Variants in CHI3L2 observed in about 807,000 individuals in gnomAD.
CHI3L2 encodes the protein chitinase 3 like 2.
Under a neutral mutation model 47.3 loss-of-function variants are expected in CHI3L2, and 47 were observed. The observed-to-expected ratio is 0.99, with a 90% CI of 0.79 to 1.27. The LOEUF is 1.27. Ranked by LOEUF, CHI3L2 falls within the 50% of genes most tolerant of loss-of-function variation. The pLI is 0.00. For synonymous variants in CHI3L2, 198 were observed against 169.9 expected (o/e 1.17, Z -1.28); for missense variants, 497 against 462.1 (o/e 1.08, Z -0.69).
Position 111,234,930 on chromosome 1 carries a change from C to G in CHI3L2, c.353C>G (p.Ser118Cys), listed in dbSNP as rs775664454. The G allele has an allele frequency of 1.9e-6, 3 of 1,614,144 alleles. No homozygotes were observed. The highest frequency in any genetic ancestry group is 2.5e-6 in the Non-Finnish European group (3 of 1,180,000). The change falls in exon 5 of 11, where the codon TCT becomes TGT. Residue 118 changes from serine to cysteine, a missense_variant. Ser to Cys is a moderately radical substitution (Grantham distance 112). Transcript: ENST00000369748. ...SKGFHPMVDS[S>C]TSRLEFINSI... ...AGGTTCCACCCTATGGTGGATTCTT[C>G]TACATCACGCTTGGAATTCATTAAC... is the stretch of plus-strand genomic sequence containing the variant.
intron 9 of CHI3L2, 26 bp downstream of exon 9, chr1:111,241,469 C>G (rs1233330992): frequency 8.7e-7 from 1 of 1,143,408 alleles, no homozygotes; most frequent in Admixed American, 1.7e-5. Flanking sequence ...GCAGATACTC[C>G]TTTAGGTGGG....
At chr1:111,238,703 CCTTT>C (rs747229577) in intron 7 of CHI3L2, 43 bp from the exon 8 acceptor site, 1 of 1,596,848 alleles carries the variant, frequency 6.3e-7, no homozygotes, top group African/African-American at 1.3e-5. Flanking sequence ...AGGTCTGACA[CCTTT>C]CTTTCCCCAC....
At chr1:111,238,217 AT>A (rs1351747019) in intron 7 of CHI3L2, among the ~76,000 whole-genome samples, 7 of 152,228 alleles carry the variant, frequency 4.6e-5, no homozygotes, top group Admixed American at 4.6e-4. Flanking sequence ...CCTTGGGCAC[AT>A]GTCCTCAGGA....
At chr1:111,241,242 C>T in intron 8 of CHI3L2, 85 bp from the exon 9 acceptor site, 1 of 792,578 alleles carries the variant, frequency 1.3e-6, no homozygotes, top group Non-Finnish European at 2.3e-6. Context: ...CCCCAAGTCC[C>T]TAGTGGCTCA....
chr1:111,233,172 T>C (rs1363942067), intron 4 of CHI3L2, among the ~76,000 whole-genome samples: 1 of 152,124 alleles, frequency 6.6e-6, no homozygotes, highest in Non-Finnish European at 1.5e-5. Context: ...GCTTCAGAAT[T>C]CTAGTTCAGA....
intron 4 of CHI3L2, among the ~76,000 whole-genome samples, chr1:111,233,139 G>A (rs1359439475): frequency 3.3e-5 from 5 of 152,138 alleles, no homozygotes; most frequent in Admixed American, 1.3e-4. Context: ...CCTTGGTGTG[G>A]GCATCTGAGA....
chr1:111,241,508 A>C, intron 9 of CHI3L2, 65 bp downstream of exon 9: 1 of 840,798 alleles, frequency 1.2e-6, no homozygotes, highest in Non-Finnish European at 2.0e-6. Context: ...AAATGCCTGA[A>C]TACTCTATGT....
At chr1:111,227,874 C>T (rs2101541660) in intron 1 of CHI3L2, 105 bp downstream of exon 1, 2 of 1,186,978 alleles carry the variant, frequency 1.7e-6, no homozygotes, top group East Asian at 4.8e-5. Context: ...TTCAGTCTTT[C>T]CGTTGACCTT....
At chr1:111,235,969 A>C in intron 6 of CHI3L2, 55 bp from the exon 7 acceptor site, 2 of 1,603,242 alleles carry the variant, frequency 1.2e-6, no homozygotes, top group East Asian at 4.5e-5. Flanking sequence ...ATTACTTACA[A>C]TTGTTTCTAC....
intron 8 of CHI3L2, chr1:111,239,405 T>C (rs1351524680): frequency 1.3e-5 from 2 of 153,954 alleles, no homozygotes; most frequent in African/African-American, 4.8e-5. Flanking sequence ...AGCAGGCCAG[T>C]CTGCACTAGA....
rs1660115786 is a variant in CHI3L2, at chr1:111,243,265, GCT to G, written c.*57_*58del. 6.6e-6 allele frequency: 3 copies of G among 455,924 alleles called. No individual in the cohort carries two copies. The highest frequency in any genetic ancestry group is 1.3e-5 in the Non-Finnish European group (3 of 226,826). 28.2% of individuals were successfully genotyped at this position (455,924 alleles called of 1,614,324 possible). On this transcript the variant is annotated 3_prime_UTR_variant, in exon 11 of 11. Coordinates refer to ENST00000369748, the MANE Select transcript of CHI3L2 (RefSeq NM_004000.3). The stretch of plus-strand genomic sequence containing the variant: ...AAGATGACCTTGCTGCCTGGGGCCT[GCT>G]CTCTCCCAGGAATTCTCATGTGGGA...
At chr1:111,227,832 TAGA>T in intron 1 of CHI3L2, 63 bp downstream of exon 1, 3 of 1,474,246 alleles carry the variant, frequency 2.0e-6, no homozygotes, top group Non-Finnish European at 1.9e-6. Context: ...AACAGGTCTG[TAGA>T]AGAAGTAATC....
intron 8 of CHI3L2, 76 bp downstream of exon 8, chr1:111,239,008 G>A (rs1435275713): frequency 4.3e-6 from 6 of 1,397,824 alleles, no homozygotes; most frequent in Non-Finnish European, 5.8e-6. Context: ...TGACAGCAGA[G>A]TAAAGCATCC....
At chr1:111,231,592 G>A (rs1659724364) in intron 4 of CHI3L2, 1 of 266,614 alleles carries the variant, frequency 3.8e-6, no homozygotes, top group Non-Finnish European at 7.0e-6. Flanking sequence ...TTCACTTTAT[G>A]GATTATAGAA....
intron 7 of CHI3L2, among the ~76,000 whole-genome samples, chr1:111,238,141 C>A (rs1176210382): frequency 1.3e-5 from 2 of 152,228 alleles, no homozygotes; most frequent in African/African-American, 4.8e-5. Flanking sequence ...CAATGTACAT[C>A]TTACATGTAC....
Position 111,236,034 on chromosome 1 carries a change from T to C in CHI3L2, c.616T>C (p.Phe206Leu). 4 of 1,614,184 alleles carry C rather than the reference T, an allele frequency of 2.5e-6. No homozygotes were observed. The highest frequency in any genetic ancestry group is 3.4e-6 in the Non-Finnish European group (4 of 1,180,024). ...CTTTTGGCACTTTAGAGATCTGGAT[T>C]TCATCAACCTCCTGTCCTTTGACTT... The part of the protein sequence containing the change: ...QVEKLAKDLD[F>L]INLLSFDFHG... The change falls in exon 7 of 11, where the codon TTC becomes CTC. Residue 206 changes from phenylalanine to leucine, a missense_variant. By Grantham distance (22) the Phe-to-Leu change is conservative (BLOSUM62 0). Coordinates refer to ENST00000369748, the MANE Select transcript of CHI3L2 (RefSeq NM_004000.3).
At position 111,241,309 on chromosome 1, in the gene CHI3L2, T is replaced by A. The variant is rs1660046877; in HGVS notation, c.919-18T>A. 1.4e-6 allele frequency: 2 copies of A among 1,380,170 alleles called. No homozygotes were observed. The highest frequency in any genetic ancestry group is 2.8e-5 in the African/African-American group (2 of 71,564). The allele number at this position is 1,380,170 out of a possible 1,614,324, so 85.5% of individuals were successfully genotyped here. A position where few individuals can be genotyped will look rare whatever the true frequency, so the allele number is the denominator to read the frequency against. On this transcript the variant is annotated intron_variant, in intron 8 of 10. Transcript: ENST00000369748. ...AATAACCCATTACTGACCCTCTCGT[T>A]TCCCTTTCCCCTGCCAGATCTGCCA... is the stretch of plus-strand genomic sequence containing the variant.
intron 5 of CHI3L2, 83 bp downstream of exon 5, chr1:111,235,140 T>A: frequency 7.0e-7 from 1 of 1,433,984 alleles, no homozygotes; most frequent in Non-Finnish European, 9.6e-7. Flanking sequence ...ATGGCCACAT[T>A]GGGAGACAAA....
At chr1:111,242,837 T>C (rs541357950) in intron 10 of CHI3L2, among the ~76,000 whole-genome samples, 129 of 152,298 alleles carry the variant, frequency 8.5e-4, no homozygotes, top group Non-Finnish European at 1.5e-3. Context: ...CCATGGTCAT[T>C]ATTGCTACGC....
Sources: allele counts gnomAD v4.1 joint callset (sites outside exome capture counted in the v4.1 genomes callset), GRCh38; gene constraint gnomAD v4.1.1; transcripts MANE v1.5; gene names NCBI Gene and HGNC (gene_info 2026-07-23, HGNC 2026-07-21).